Variants in MYO1E observed in about 807,000 individuals in gnomAD.
The protein encoded by MYO1E is myosin IE, also known as unconventional myosin-Ie.
MYO1E carries 68 observed loss-of-function variants against 151.1 expected under a neutral mutation model. The observed-to-expected ratio is 0.45, with a 90% CI of 0.37 to 0.55. The LOEUF is 0.55. Ranked by LOEUF, MYO1E falls within the 20% of genes least tolerant of loss-of-function variation. MYO1E has a pLI of 0.00. For missense variants in MYO1E, 1,363 were observed against 1,389.3 expected (o/e 0.98, Z 0.30); for synonymous variants, 601 against 501.7 (o/e 1.20, Z -2.64).
intron 1 of MYO1E, among the ~76,000 whole-genome samples, chr15:59,319,276 A>G (rs2080609450): frequency 6.6e-6 from 1 of 152,170 alleles, no homozygotes; most frequent in Non-Finnish European, 1.5e-5. Flanking sequence ...GTGCCACTGC[A>G]CTCTAGCCTG....
chr15:59,319,348 G>A (rs1199257917), intron 1 of MYO1E, among the ~76,000 whole-genome samples: 1 of 151,824 alleles, frequency 6.6e-6, no homozygotes, highest in Non-Finnish European at 1.5e-5. Flanking sequence ...CAAACATGAA[G>A]TTTCTGTAAT....
intron 1 of MYO1E, among the ~76,000 whole-genome samples, chr15:59,275,092 A>G (rs12594470): frequency 0.23 from 34,360 of 152,038 alleles, 4,214 homozygotes; most frequent in East Asian, 0.49. Flanking sequence ...CCGACTAGTA[A>G]GTAGCAAAAG....
chr15:59,356,904 T>C (rs1459407213), intron 1 of MYO1E, among the ~76,000 whole-genome samples: 1 of 23,492 alleles, frequency 4.3e-5, no homozygotes, highest in Non-Finnish European at 1.3e-4. Context: ...TGTTTGTTTG[T>C]TTTTGGTTTT....
chr15:59,306,616 C>T (rs112623063), intron 1 of MYO1E, among the ~76,000 whole-genome samples: 5 of 152,290 alleles, frequency 3.3e-5, no homozygotes, highest in African/African-American at 1.2e-4. Context: ...TTGTGAGTGC[C>T]AAGGATTTAA....
At chr15:59,292,403 G>A (rs1351815014) in intron 1 of MYO1E, among the ~76,000 whole-genome samples, 1 of 152,206 alleles carries the variant, frequency 6.6e-6, no homozygotes, top group Admixed American at 6.5e-5. Flanking sequence ...CCCATGAAAT[G>A]TACTACGACT....
chr15:59,369,837 G>A (rs1221714254), intron 1 of MYO1E, among the ~76,000 whole-genome samples: 1 of 152,066 alleles, frequency 6.6e-6, no homozygotes, highest in Non-Finnish European at 1.5e-5. Flanking sequence ...AGGGCCTCAG[G>A]TACAGATGGA....
At chr15:59,139,397 CCATCCCTCA>C (rs1233299945) in intron 26 of MYO1E, among the ~76,000 whole-genome samples, 1 of 150,806 alleles carries the variant, frequency 6.6e-6, no homozygotes, top group African/African-American at 2.4e-5. Flanking sequence ...CACTTCCCTC[CCATCCCTCA>C]TTATTACTCC....
intron 1 of MYO1E, among the ~76,000 whole-genome samples, chr15:59,280,199 T>C (rs577876384): frequency 2.0e-5 from 3 of 152,366 alleles, no homozygotes; most frequent in African/African-American, 7.2e-5. Flanking sequence ...CTGCCTGAAA[T>C]GTCAATCTCA....
intron 2 of MYO1E, among the ~76,000 whole-genome samples, chr15:59,267,573 T>A (rs935633707): frequency 6.6e-6 from 1 of 152,204 alleles, no homozygotes; most frequent in Non-Finnish European, 1.5e-5. Flanking sequence ...ACTACGCTGC[T>A]TTGAAATCTA....
intron 26 of MYO1E, among the ~76,000 whole-genome samples, chr15:59,138,867 A>G (rs1440129270): frequency 1.3e-5 from 2 of 152,018 alleles, no homozygotes; most frequent in African/African-American, 4.8e-5. Flanking sequence ...CCTAGCCAAT[A>G]TTTGTGGTCC....
At chr15:59,268,720 A>ATGTTTTTTTTTTTTTTTTTTTTTTTT in intron 2 of MYO1E, among the ~76,000 whole-genome samples, 1 of 44,906 alleles carries the variant, frequency 2.2e-5, no homozygotes, top group Non-Finnish European at 4.9e-5. Flanking sequence ...TGACTTTGGT[A>ATGTTTTTTTTTTTTTTTTTTTTTTTT]TTTTTTTTTT....
chr15:59,285,223 T>C (rs1279040055), intron 1 of MYO1E, among the ~76,000 whole-genome samples: 1 of 152,182 alleles, frequency 6.6e-6, no homozygotes, highest in Non-Finnish European at 1.5e-5. Context: ...TTTTATTATT[T>C]ACAGTTTTAA....
At chr15:59,254,241 G>A (rs893242672) in intron 4 of MYO1E, among the ~76,000 whole-genome samples, 7 of 152,108 alleles carry the variant, frequency 4.6e-5, no homozygotes, top group Non-Finnish European at 1.0e-4. Context: ...TGGCTAGAGT[G>A]CAGTGGTTCA....
chr15:59,243,828 C>T (rs2080114256), intron 4 of MYO1E, among the ~76,000 whole-genome samples: 2 of 151,780 alleles, frequency 1.3e-5, no homozygotes, highest in Non-Finnish European at 1.5e-5. Context: ...AGTAATTCTG[C>T]GAGAATGAGA....
chr15:59,252,341 C>T (rs1353504708), intron 4 of MYO1E, among the ~76,000 whole-genome samples: 3 of 151,994 alleles, frequency 2.0e-5, no homozygotes, highest in Non-Finnish European at 4.4e-5. Flanking sequence ...CCAGCACTTT[C>T]GGAAGCTGAG....
Position 59,195,553 on chromosome 15 carries a change from G to C in MYO1E, c.1713C>G (p.Asp571Glu), listed in dbSNP as rs143249432. The change falls in exon 17 of 28, where the codon GAC (aspartate) becomes GAG (glutamate). Residue 571 changes from aspartate (D) to glutamate (E), a missense_variant. Transcript: ENST00000288235. Reference sequence around the variant, plus strand: ...TACATTTCATCAGGGTGCTCACAAGGTCATTGGCTTGTTTCTAGAAAGGAA... The same window carrying C: ...TACATTTCATCAGGGTGCTCACAAGCTCATTGGCTTGTTTCTAGAAAGGAA... The part of the protein sequence containing the change: ...AGSKIKKQAN[D>E]LVSTLMKCTP... The C allele has an allele frequency of 1.9e-3, 3,026 of 1,613,728 alleles. 6 individuals are homozygous for C. The highest frequency in any genetic ancestry group is 2.4e-3 in the Non-Finnish European group (2,847 of 1,179,618).
rs556755995 is a variant in MYO1E, at chr15:59,350,951, C to T, written c.3+21547G>A. Among the ~76,000 whole-genome samples, 23 of 152,322 alleles carry T rather than the reference C, an allele frequency of 1.5e-4. No individual in the cohort carries two copies. Among genetic ancestry groups the T allele is most frequent in the African/African-American group, 5.5e-4 (23 of 41,570 alleles). ...TCGCTCTGTCACCCAGGCTGGCGTG[C>T]AGTGGCGCGATCTCGGCTCAATGCA... On this transcript the variant is annotated intron_variant, in intron 1 of 27. Transcript: ENST00000288235. The surrounding 1 kb of genome is among the most constrained non-coding windows in gnomAD (Gnocchi z 5.0).
At chr15:59,286,512 T>C (rs1226320663) in intron 1 of MYO1E, among the ~76,000 whole-genome samples, 1 of 152,122 alleles carries the variant, frequency 6.6e-6, no homozygotes, top group African/African-American at 2.4e-5. Context: ...AGGTAAGGTG[T>C]TGGTGTGTCA....
chr15:59,370,583 G>C (rs565922237), intron 1 of MYO1E, among the ~76,000 whole-genome samples: 7 of 152,176 alleles, frequency 4.6e-5, no homozygotes, highest in Non-Finnish European at 1.0e-4. Flanking sequence ...CAATAGGGAA[G>C]TCACACACTG....
Sources: gnomAD v4.1 joint callset for allele counts (sites outside exome capture counted in the v4.1 genomes callset) on GRCh38, gnomAD v4.1.1 for gene constraint, Gnocchi (gnomAD v3.1) non-coding constraint, MANE v1.5 for transcripts, NCBI Gene and HGNC (gene_info 2026-07-23, HGNC 2026-07-21) for gene names.